The following DAB1 variants were observed in gnomAD, a reference collection of about 807,000 sequenced individuals.
The protein encoded by DAB1 is DAB adaptor protein 1.
DAB1 carries 15 observed loss-of-function variants against 64.6 expected under a neutral mutation model. That is an observed-to-expected ratio of 0.23 (90% CI 0.16 to 0.36). The LOEUF is 0.36. DAB1 is among the 10% of genes least tolerant of loss of function. DAB1 has a pLI of 1.00. For synonymous variants in DAB1, 235 were observed against 251.9 expected (o/e 0.93, Z 0.64); for missense variants, 596 against 706.7 (o/e 0.84, Z 1.78).
chr1:58,526,384 A>G (rs1323429517), intron 2 of DAB1, among the ~76,000 whole-genome samples: 1 of 152,142 alleles, frequency 6.6e-6, no homozygotes, highest in Middle Eastern at 3.2e-3. Flanking sequence ...TACCAGAAAC[A>G]TAACAAAGGA....
intron 4 of DAB1, among the ~76,000 whole-genome samples, chr1:58,321,044 A>G (rs1437760733): frequency 1.3e-5 from 2 of 152,234 alleles, no homozygotes; most frequent in African/African-American, 4.8e-5. Context: ...TGGCTCTAGT[A>G]AGACCACCTC....
chr1:57,641,190 G>A (rs999271739), intron 7 of DAB1, among the ~76,000 whole-genome samples: 2 of 151,964 alleles, frequency 1.3e-5, no homozygotes, highest in Non-Finnish European at 2.9e-5. Context: ...GGGTGAGTTG[G>A]GGTTAGCTCA....
chr1:57,197,698 GTTC>G (rs1308671328), intron 2 of DAB1, among the ~76,000 whole-genome samples: 2 of 152,136 alleles, frequency 1.3e-5, no homozygotes. Flanking sequence ...CTTTGAATAT[GTTC>G]TTCTTCTCCT....
At chr1:58,496,345 A>G (rs1361017126) in intron 3 of DAB1, among the ~76,000 whole-genome samples, 1 of 152,170 alleles carries the variant, frequency 6.6e-6, no homozygotes, top group East Asian at 1.9e-4. Flanking sequence ...GATTTATCTT[A>G]CATTTGTAAA....
chr1:57,171,258 C>G (rs1406962394), intron 2 of DAB1, among the ~76,000 whole-genome samples: 1 of 152,124 alleles, frequency 6.6e-6, no homozygotes, highest in Non-Finnish European at 1.5e-5. Context: ...TAGGGCACAG[C>G]CTTGATCACA....
intron 4 of DAB1, among the ~76,000 whole-genome samples, chr1:58,204,708 T>C (rs1004219371): frequency 6.6e-5 from 10 of 152,234 alleles, no homozygotes; most frequent in Non-Finnish European, 1.5e-4. Flanking sequence ...CTGGGGGACA[T>C]TAATTCCCAC....
intron 4 of DAB1, among the ~76,000 whole-genome samples, chr1:58,242,696 T>C (rs115906838): frequency 0.02 from 2,975 of 152,226 alleles, 115 homozygotes; most frequent in East Asian, 0.046. Flanking sequence ...CTGGTCATTA[T>C]TGAGTGAAGT....
rs965023411 is a variant in DAB1 at position 57,668,623 on chromosome 1, T to C, written n.552-18958A>G. ...AAGGACAGCACCACAACCTAAACAG[T>C]TGTACTGACCCCAAAGCCTGTTCTG... is the stretch of plus-strand genomic sequence containing the variant. On this transcript the variant is annotated intron_variant and non_coding_transcript_variant, in intron 6 of 20. Coordinates refer to the DAB1 transcript ENST00000485760. Among the ~76,000 whole-genome samples, 14 of 152,228 alleles carry C rather than the reference T, an allele frequency of 9.2e-5. No individual in the cohort carries two copies. In the East Asian group the frequency reaches 2.7e-3, roughly 29 times the overall value.
At position 57,981,090 on chromosome 1, in the gene DAB1, A is replaced by C. The variant is rs535053217; in HGVS notation, n.388-96928T>G. Among the ~76,000 whole-genome samples, 9 of 152,214 alleles carry C rather than the reference A, an allele frequency of 5.9e-5. 1 individual carries two copies. The South Asian group carries it at 1.9e-3, about 32-fold the overall frequency. Reference sequence around the variant, plus strand: ...ACACTTCAATTCTAGAGTCAGAGAGAACAAACCTAGCTCTACTTTATAATA... The same window carrying C: ...ACACTTCAATTCTAGAGTCAGAGAGCACAAACCTAGCTCTACTTTATAATA... On this transcript the variant is annotated intron_variant and non_coding_transcript_variant, in intron 5 of 20. Transcript: ENST00000485760.
At chr1:57,067,698 G>A (rs1651055211) in intron 8 of DAB1, among the ~76,000 whole-genome samples, 1 of 152,088 alleles carries the variant, frequency 6.6e-6, no homozygotes, top group African/African-American at 2.4e-5. Context: ...AGAGAGCCCT[G>A]TATTTTACTT....
At chr1:58,082,221 C>T (rs574690333) in intron 5 of DAB1, among the ~76,000 whole-genome samples, 7 of 152,118 alleles carry the variant, frequency 4.6e-5, no homozygotes, top group South Asian at 2.1e-4. Context: ...ATACCAAACC[C>T]AGAGTGGCTA....
At chr1:57,835,584 G>A (rs1250656245) in intron 1 of DAB1, among the ~76,000 whole-genome samples, 3 of 152,148 alleles carry the variant, frequency 2.0e-5, no homozygotes, top group South Asian at 2.1e-4. Context: ...GCCTGGATAT[G>A]AGCCCAAGAC....
At chr1:57,441,272 C>CTTTCTCTTTCTT (rs1233564720) in intron 7 of DAB1, among the ~76,000 whole-genome samples, 10 of 72,634 alleles carry the variant, frequency 1.4e-4, no homozygotes, top group African/African-American at 3.4e-4. Context: ...TTCTTTCTTT[C>CTTTCTCTTTCTT]TCTTTCTTTC....
intron 6 of DAB1, among the ~76,000 whole-genome samples, chr1:57,782,160 TA>T (rs1650132215): frequency 1.7e-5 from 1 of 58,732 alleles, no homozygotes. Context: ...GCACTTAGGA[TA>T]ATTATTTCGA....
intron 3 of DAB1, among the ~76,000 whole-genome samples, chr1:58,473,617 A>G (rs553421614): frequency 6.6e-6 from 1 of 152,304 alleles, no homozygotes; most frequent in Non-Finnish European, 1.5e-5. Context: ...TCTGCCTCAT[A>G]GAATTGTTGA....
At chr1:57,295,296 C>T (rs1420987931) in intron 1 of DAB1, among the ~76,000 whole-genome samples, 2 of 152,132 alleles carry the variant, frequency 1.3e-5, no homozygotes, top group Non-Finnish European at 2.9e-5. Flanking sequence ...AACGCCACTG[C>T]AAATTTCAGT....
At chr1:57,608,060 C>A (rs572753986) in intron 7 of DAB1, among the ~76,000 whole-genome samples, 34 of 152,232 alleles carry the variant, frequency 2.2e-4, no homozygotes, top group African/African-American at 8.2e-4. Context: ...TACCTGAAGA[C>A]CCAGGCATGC....
At chr1:57,700,014 C>T (rs1157552648) in intron 6 of DAB1, among the ~76,000 whole-genome samples, 1 of 152,104 alleles carries the variant, frequency 6.6e-6, no homozygotes, top group Non-Finnish European at 1.5e-5. Flanking sequence ...ACTCTCCTCC[C>T]TTTTGAATTT....
At chr1:57,177,838 G>A (rs1401253131) in intron 2 of DAB1, among the ~76,000 whole-genome samples, 6 of 151,976 alleles carry the variant, frequency 3.9e-5, no homozygotes, top group Non-Finnish European at 2.9e-5. Context: ...TCAGATCTTT[G>A]GATGCCACAG....
Sources: allele counts gnomAD v4.1 joint callset (sites outside exome capture counted in the v4.1 genomes callset), GRCh38; gene constraint gnomAD v4.1.1; transcripts MANE v1.5; gene names NCBI Gene and HGNC (gene_info 2026-07-23, HGNC 2026-07-21).